Variants in KIT observed in about 807,000 individuals in gnomAD.
KIT encodes the protein mast/stem cell growth factor receptor Kit.
A neutral mutation model predicts 105.7 loss-of-function variants in KIT; 16 were observed. The ratio of observed to expected loss-of-function variants is 0.15; its 90% CI spans 0.10 to 0.23. The LOEUF is 0.23. Ranked by LOEUF, KIT falls within the 10% of genes least tolerant of loss-of-function variation. KIT has a pLI of 1.00. For missense variants in KIT, 858 were observed against 1,213.8 expected (o/e 0.71, Z 4.36); for synonymous variants, 438 against 441.1 (o/e 0.99, Z 0.09).
At chr4:54,700,405 T>C (rs1303317593) in intron 4 of KIT, among the ~76,000 whole-genome samples, 3 of 152,240 alleles carry the variant, frequency 2.0e-5, no homozygotes, top group African/African-American at 7.2e-5. Context: ...CAAATGCATA[T>C]TCAATGCCAT....
intron 1 of KIT, among the ~76,000 whole-genome samples, chr4:54,669,052 G>T (rs1009075939): frequency 9.2e-5 from 14 of 152,116 alleles, no homozygotes; most frequent in Admixed American, 7.2e-4. Flanking sequence ...ATCAAGCCAG[G>T]ATTCTTAACC....
At chr4:54,687,077 G>GA (rs1189173590) in intron 1 of KIT, among the ~76,000 whole-genome samples, 1 of 151,854 alleles carries the variant, frequency 6.6e-6, no homozygotes, top group Admixed American at 6.6e-5. Flanking sequence ...ATTTCCTCCT[G>GA]AAAAAAATAC....
intron 1 of KIT, among the ~76,000 whole-genome samples, chr4:54,681,007 G>C (rs928068716): frequency 1.3e-5 from 2 of 152,130 alleles, no homozygotes; most frequent in African/African-American, 2.4e-5. Context: ...AGGTCTTGGG[G>C]GGGTGAAGTC....
At chr4:54,692,335 GA>G (rs1448385706) in intron 1 of KIT, among the ~76,000 whole-genome samples, 1 of 152,182 alleles carries the variant, frequency 6.6e-6, no homozygotes, top group Non-Finnish European at 1.5e-5. Flanking sequence ...TTGATTCTCA[GA>G]AAAACTCTAT....
At chr4:54,716,112 G>T (rs1721479203) in intron 7 of KIT, among the ~76,000 whole-genome samples, 1 of 152,218 alleles carries the variant, frequency 6.6e-6, no homozygotes, top group South Asian at 2.1e-4. Context: ...TTGAAGACTT[G>T]CTGTTAATTT....
intron 7 of KIT, among the ~76,000 whole-genome samples, chr4:54,713,167 A>C (rs566481303): frequency 6.6e-6 from 1 of 151,982 alleles, no homozygotes; most frequent in Non-Finnish European, 1.5e-5. Context: ...AGTTACATAG[A>C]TAAGTTCTTT....
intron 1 of KIT, among the ~76,000 whole-genome samples, chr4:54,674,906 G>A (rs1293388210): frequency 6.6e-6 from 1 of 152,178 alleles, no homozygotes; most frequent in African/African-American, 2.4e-5. Flanking sequence ...CTGAAGGAGA[G>A]AGTGCTATTT....
rs145602440 is a variant in KIT at position 54,733,118 on chromosome 4, C to G, written c.2410C>G (p.Arg804Gly). 1 of 1,610,962 alleles carries G rather than the reference C, an allele frequency of 6.2e-7. No homozygotes were observed. Among genetic ancestry groups the G allele is most frequent in the Non-Finnish European group, 8.5e-7 (1 of 1,177,380 alleles). Residue 804 changes from arginine to glycine, a missense_variant, in exon 17 of 21, where the codon CGG becomes GGG. Arg to Gly is a moderately radical substitution (Grantham distance 125, BLOSUM62 -2). Coordinates refer to ENST00000288135, the MANE Select transcript of KIT (RefSeq NM_000222.3). ...CAGAAATATCCTCCTTACTCATGGT[C>G]GGATCACAAAGATTTGTGATTTTGG... ...AARNILLTHG[R>G]ITKICDFGLA...
intron 7 of KIT, among the ~76,000 whole-genome samples, chr4:54,720,303 A>G (rs763627676): frequency 1.3e-5 from 2 of 152,184 alleles, no homozygotes; most frequent in African/African-American, 4.8e-5. Context: ...AAGCTGCTCA[A>G]TTAGCCTCAG....
chr4:54,729,452 A>T lies in KIT; in HGVS notation c.2108A>T (p.Tyr703Phe), dbSNP rs771012963. ...KQEDHAEAALYKNLLHSKESS... is the reference protein window; with the variant it reads ...KQEDHAEAALFKNLLHSKESS... ...GAAGATCATGCAGAAGCTGCACTTT[A>T]TAAGAATCTTCTGCATTCAAAGGAG... Residue 703 changes from tyrosine to phenylalanine, a missense_variant, in exon 14 of 21, where the codon TAT becomes TTT. Transcript: ENST00000288135. 2.5e-6 allele frequency: 4 copies of T among 1,613,692 alleles called. No homozygotes were observed. The African/African-American group carries it at 4.0e-5, about 16-fold the overall frequency.
At chr4:54,667,312 G>A (rs1211701530) in intron 1 of KIT, among the ~76,000 whole-genome samples, 2 of 152,138 alleles carry the variant, frequency 1.3e-5, no homozygotes. Flanking sequence ...GCTACTGCTT[G>A]ATAACATTTT....
chr4:54,719,791 T>C lies in KIT; in HGVS notation c.1232-3793T>C, dbSNP rs141917669. On this transcript the variant is annotated intron_variant, in intron 7 of 20. Transcript: ENST00000288135. ...CAAACACGGTGCATTGAGGCACTTA[T>C]AAAATGCAGATGAGCCCAGATTTTC... Among the ~76,000 whole-genome samples, 151 of 152,330 alleles carry C rather than the reference T, an allele frequency of 9.9e-4. 1 individual carries two copies. The highest frequency in any genetic ancestry group is 3.4e-3 in the African/African-American group (140 of 41,598).
chr4:54,724,216 C>T (rs1722077155), intron 8 of KIT, among the ~76,000 whole-genome samples: 1 of 152,182 alleles, frequency 6.6e-6, no homozygotes, highest in Admixed American at 6.5e-5. Flanking sequence ...GTGCTGCTTG[C>T]CCCTCACCAT....
intron 1 of KIT, among the ~76,000 whole-genome samples, chr4:54,664,631 C>G (rs997308954): frequency 2.0e-5 from 3 of 147,530 alleles, no homozygotes; most frequent in Admixed American, 6.7e-5. Context: ...ATTTATGAGA[C>G]AGGGTCTTGC....
intron 2 of KIT, among the ~76,000 whole-genome samples, chr4:54,697,714 TG>T (rs1234822829): frequency 6.6e-6 from 1 of 152,188 alleles, no homozygotes; most frequent in Non-Finnish European, 1.5e-5. Context: ...TCATGGGTAC[TG>T]GGTGGCCTGG....
In KIT at chr4:54,727,444, T is replaced by C. The variant is rs121913517; in HGVS notation, c.1676T>C (p.Val559Ala). ...QKPMYEVQWKVVEEINGNNYV... is the reference protein window; with the variant it reads ...QKPMYEVQWKAVEEINGNNYV... The stretch of plus-strand genomic sequence containing the variant: ...CCCATGTATGAAGTACAGTGGAAGG[T>C]TGTTGAGGAGATAAATGGAAACAAT... Residue 559 changes from valine (V) to alanine (A), a missense_variant, in exon 11 of 21, where the codon GTT becomes GCT. This residue lies in a region of KIT where 78 missense variants were observed against 77.6 expected (regional missense o/e 1.01). Transcript: ENST00000288135. The C allele has an allele frequency of 6.2e-7, 1 of 1,614,080 alleles. No individual in the cohort carries two copies. The highest frequency in any genetic ancestry group is 8.5e-7 in the Non-Finnish European group (1 of 1,179,980).
At position 54,711,494 on chromosome 4, in the gene KIT, A is replaced by T. The variant is rs115216014; in HGVS notation, c.1231+1955A>T. Among the ~76,000 whole-genome samples the T allele has an allele frequency of 5.7e-3, 871 of 152,320 alleles. 7 individuals are homozygous for T. Among genetic ancestry groups the T allele is most frequent in the African/African-American group, 0.019 (809 of 41,578 alleles). ...GATGTATATATCCCAAACTCGTTTGATCACACAGTTCTCCCTTTTCAAGGG... is the reference window on the plus strand; with the variant it reads ...GATGTATATATCCCAAACTCGTTTGTTCACACAGTTCTCCCTTTTCAAGGG... On this transcript the variant is annotated intron_variant, in intron 7 of 20. Transcript: ENST00000288135.
chr4:54,733,440 C>T (rs1722727492), intron 17 of KIT: 14 of 417,328 alleles, frequency 3.4e-5, no homozygotes, highest in South Asian at 3.3e-4. Context: ...ACAGAAATAG[C>T]CTTAATTTTC....
Position 54,695,492 on chromosome 4 carries a change from G to C in KIT, c.68-20G>C, listed in dbSNP as rs72549299. On this transcript the variant is annotated intron_variant, in intron 1 of 20. Transcript: ENST00000288135. ...CAAGGAAGAAGATCATACTCAACAC[G>C]ATTCTGTTTTTCTTGGCAGGCTCTT... 3.1e-6 allele frequency: 5 copies of C among 1,613,724 alleles called. No homozygotes were observed. Among genetic ancestry groups the C allele is most frequent in the African/African-American group, 2.7e-5 (2 of 74,918 alleles).
Sources: gnomAD v4.1 joint callset for allele counts (sites outside exome capture counted in the v4.1 genomes callset) on GRCh38, gnomAD v4.1.1 for gene constraint, gnomAD v4.1.1 regional missense constraint, MANE v1.5 for transcripts, NCBI Gene and HGNC (gene_info 2026-07-23, HGNC 2026-07-21) for gene names.